The following LDLRAD4 variants were observed in gnomAD, a reference collection of about 807,000 sequenced individuals.
LDLRAD4 encodes the protein low-density lipoprotein receptor class A domain-containing protein 4.
Under a neutral mutation model 17.0 loss-of-function variants are expected in LDLRAD4, and 5 were observed. The observed-to-expected ratio is 0.29, with a 90% confidence interval of 0.15 to 0.62. LDLRAD4 has a LOEUF of 0.62. LDLRAD4 is among the 20% of genes least tolerant of loss of function. The probability of loss-of-function intolerance (pLI) is 0.84; values close to 1 mark genes in which losing one functional copy is unlikely to be tolerated. For synonymous variants in LDLRAD4, 168 were observed against 171.8 expected (o/e 0.98, Z 0.17); for missense variants, 340 against 424.7 (o/e 0.80, Z 1.75).
intron 1 of LDLRAD4, among the ~76,000 whole-genome samples, chr18:13,348,402 C>T (rs1234749283): frequency 6.6e-6 from 1 of 152,140 alleles, no homozygotes; most frequent in Non-Finnish European, 1.5e-5. Flanking sequence ...TGGTGAACAG[C>T]AAATGTTGCT....
At chr18:13,318,494 T>A (rs1026224605) in intron 1 of LDLRAD4, among the ~76,000 whole-genome samples, 2 of 152,208 alleles carry the variant, frequency 1.3e-5, no homozygotes, top group Non-Finnish European at 2.9e-5. Context: ...ATTCCTGACC[T>A]CAGGAGATTT....
chr18:13,575,480 T>G (rs560181569), intron 3 of LDLRAD4, among the ~76,000 whole-genome samples: 4 of 152,378 alleles, frequency 2.6e-5, no homozygotes, highest in African/African-American at 9.6e-5. Context: ...TGATGGGCAT[T>G]TGGGCTGGTT....
chr18:13,639,803 T>A (rs2042371155), intron 4 of LDLRAD4, among the ~76,000 whole-genome samples: 1 of 152,220 alleles, frequency 6.6e-6, no homozygotes, highest in South Asian at 2.1e-4. Flanking sequence ...AATAGTTAAA[T>A]AAATTATTAT....
chr18:13,234,962 C>A (rs2042263160), intron 1 of LDLRAD4: 2 of 152,228 alleles, frequency 1.3e-5, no homozygotes, highest in East Asian at 3.9e-4. Flanking sequence ...AAAAAATCAT[C>A]AGATTAGGTT....
chr18:13,395,674 G>C lies in LDLRAD4; in HGVS notation c.40+7912G>C, dbSNP rs1296443911. 8.1e-5 allele frequency among the ~76,000 whole-genome samples: 8 copies of C among 98,660 alleles called. No individual in the cohort carries two copies. In the East Asian group the frequency reaches 9.8e-4, roughly 12 times the overall value. The allele number at this position is 98,660 out of a possible 152,430, so 64.7% of individuals were successfully genotyped here. ...GGCGTGGGGGCAGGAGCTGGCGTGGGGGCGGGAGTTGGCGTTGGGTGGGGA... is the reference window on the plus strand; with the variant it reads ...GGCGTGGGGGCAGGAGCTGGCGTGGCGGCGGGAGTTGGCGTTGGGTGGGGA... On this transcript the variant is annotated intron_variant, in intron 2 of 5. Coordinates refer to ENST00000359446, the Ensembl canonical transcript of LDLRAD4.
At chr18:13,238,680 G>T (rs2042460583) in intron 1 of LDLRAD4, among the ~76,000 whole-genome samples, 1 of 152,164 alleles carries the variant, frequency 6.6e-6, no homozygotes, top group Non-Finnish European at 1.5e-5. Context: ...CCAAATCTGG[G>T]TTACTTTTAG....
intron 2 of LDLRAD4, among the ~76,000 whole-genome samples, chr18:13,435,374 A>AAAGGAG: frequency 6.6e-6 from 1 of 152,220 alleles, no homozygotes; most frequent in South Asian, 2.1e-4. Flanking sequence ...TGGCCATGTG[A>AAAGGAG]TGGAAAGACC....
At chr18:13,584,358 C>CT (rs772460638) in intron 3 of LDLRAD4, among the ~76,000 whole-genome samples, 6 of 152,222 alleles carry the variant, frequency 3.9e-5, no homozygotes, top group Non-Finnish European at 7.3e-5. Flanking sequence ...TCCACTCTCT[C>CT]TTCTTCCCAC....
intron 3 of LDLRAD4, among the ~76,000 whole-genome samples, chr18:13,455,553 C>A (rs1250785686): frequency 1.3e-5 from 2 of 151,814 alleles, no homozygotes; most frequent in East Asian, 1.9e-4. Flanking sequence ...AGCATCCCCC[C>A]ACAGCCTGGA....
intron 3 of LDLRAD4, chr18:13,490,123 C>G (rs1320955280): frequency 6.6e-6 from 1 of 152,120 alleles, no homozygotes; most frequent in Non-Finnish European, 1.5e-5. Context: ...ATCTGCCCTG[C>G]TGCCGTGAAA....
chr18:13,320,986 G>A (rs1176412202), intron 1 of LDLRAD4, among the ~76,000 whole-genome samples: 9 of 152,202 alleles, frequency 5.9e-5, no homozygotes. Context: ...GGCCAGGCAT[G>A]AATGCACTGT....
chr18:13,512,893 A>AT (rs1568280859), intron 3 of LDLRAD4, among the ~76,000 whole-genome samples: 3 of 152,108 alleles, frequency 2.0e-5, no homozygotes, highest in Admixed American at 1.3e-4. Context: ...TGAAAAGTAA[A>AT]TTTTTTTGGC....
chr18:13,499,646 G>T (rs1322900206), intron 3 of LDLRAD4, among the ~76,000 whole-genome samples: 1 of 149,186 alleles, frequency 6.7e-6, no homozygotes, highest in Admixed American at 6.7e-5. Context: ...TCCCGCTGTG[G>T]ATACTGGAGA....
At chr18:13,418,208 G>C (rs1047504370) in intron 2 of LDLRAD4, among the ~76,000 whole-genome samples, 9 of 152,138 alleles carry the variant, frequency 5.9e-5, no homozygotes, top group Admixed American at 2.0e-4. Context: ...CTCAACCCTG[G>C]TTGTGCCAGA....
Position 13,621,565 on chromosome 18 carries a change from C to T in LDLRAD4, c.336+294C>T, listed in dbSNP as rs549105458. 2.4e-3 allele frequency among the ~76,000 whole-genome samples: 372 copies of T among 152,342 alleles called. 4 individuals carry two copies. The highest frequency in any genetic ancestry group is 3.7e-3 in the Non-Finnish European group (251 of 68,016). On this transcript the variant is annotated intron_variant, in intron 4 of 5. Coordinates refer to ENST00000359446, the Ensembl canonical transcript of LDLRAD4. The surrounding 1 kb of genome is among the most constrained non-coding windows in gnomAD (Gnocchi z 5.5). ...TGCCAGCTTCTGAGCTGTGCACGAA[C>T]GGGACCGGCCCTGGGTGGTCCCTCG...
At chr18:13,546,222 G>T (rs2094360001) in intron 3 of LDLRAD4, among the ~76,000 whole-genome samples, 1 of 152,150 alleles carries the variant, frequency 6.6e-6, no homozygotes. Context: ...TCATCAAGTG[G>T]AAGGTCAAGG....
At chr18:13,270,232 G>A (rs1177434387) in intron 1 of LDLRAD4, among the ~76,000 whole-genome samples, 1 of 152,068 alleles carries the variant, frequency 6.6e-6, no homozygotes, top group African/African-American at 2.4e-5. Flanking sequence ...GCCTGGTGGC[G>A]TGCCTACCTG....
chr18:13,378,211 G>A (rs2085072752), intron 1 of LDLRAD4, among the ~76,000 whole-genome samples: 1 of 152,186 alleles, frequency 6.6e-6, no homozygotes, highest in South Asian at 2.1e-4. Context: ...GTGTTTTGCT[G>A]CGTGTCCTGG....
intron 1 of LDLRAD4, among the ~76,000 whole-genome samples, chr18:13,313,712 T>C (rs1366478769): frequency 6.6e-6 from 1 of 152,202 alleles, no homozygotes; most frequent in African/African-American, 2.4e-5. Flanking sequence ...TTAGATCTTT[T>C]TCTCTGTGAA....
Sources: allele counts gnomAD v4.1 joint callset (sites outside exome capture counted in the v4.1 genomes callset), GRCh38; gene constraint gnomAD v4.1.1; non-coding constraint Gnocchi (gnomAD v3.1); transcripts MANE v1.5; gene names NCBI Gene and HGNC (gene_info 2026-07-23, HGNC 2026-07-21).